The following GPATCH2 variants were observed in gnomAD, a reference collection of about 807,000 sequenced individuals.
GPATCH2 encodes G-patch domain containing 2, also known as G patch domain-containing protein 2.
A neutral mutation model predicts 58.0 loss-of-function variants in GPATCH2; 51 were observed. That is an observed-to-expected ratio of 0.88 (90% CI 0.70 to 1.11). The LOEUF (loss-of-function observed/expected upper bound fraction) is 1.11, where lower values mean the gene tolerates loss of function less well. Ranked by LOEUF, GPATCH2 falls within the 50% of genes most tolerant of loss-of-function variation. The pLI, the probability that GPATCH2 is intolerant of heterozygous loss-of-function variation, is 0.00. For missense variants in GPATCH2, 625 were observed against 652.2 expected (o/e 0.96, Z 0.45); for synonymous variants, 222 against 218.5 (o/e 1.02, Z -0.14).
In GPATCH2 at chr1:217,454,000, G is replaced by C. The variant is rs181053267; in HGVS notation, c.1278-4663C>G. ...CTGTCAGTTAGAAAAATATCAGCCTGGACAGGGCATCAGCTGCACAGAAAT... is the reference window on the plus strand; with the variant it reads ...CTGTCAGTTAGAAAAATATCAGCCTCGACAGGGCATCAGCTGCACAGAAAT... On this transcript the variant is annotated intron_variant, in intron 8 of 9. Coordinates refer to ENST00000366935, the MANE Select transcript of GPATCH2 (RefSeq NM_018040.5). Among the ~76,000 whole-genome samples, 12 of 152,256 alleles carry C rather than the reference G, an allele frequency of 7.9e-5. No homozygotes were observed. The East Asian group carries it at 2.3e-3, about 30-fold the overall frequency.
chr1:217,472,945 C>G (rs575596787), intron 8 of GPATCH2, among the ~76,000 whole-genome samples: 2 of 152,236 alleles, frequency 1.3e-5, no homozygotes, highest in East Asian at 3.9e-4. Flanking sequence ...TTTAGCACAG[C>G]AAGTTCTTTC....
chr1:217,463,314 T>C (rs1196736286), intron 8 of GPATCH2, among the ~76,000 whole-genome samples: 1 of 152,142 alleles, frequency 6.6e-6, no homozygotes, highest in African/African-American at 2.4e-5. Flanking sequence ...CTTTATATCT[T>C]TTTCATGCGT....
chr1:217,556,023 A>T lies in GPATCH2; in HGVS notation c.1099-41134T>A, dbSNP rs577328484. Among the ~76,000 whole-genome samples, 59 of 152,340 alleles carry T rather than the reference A, an allele frequency of 3.9e-4. 1 individual carries two copies. The highest frequency in any genetic ancestry group is 1.3e-3 in the African/African-American group (54 of 41,576). On this transcript the variant is annotated intron_variant, in intron 5 of 9. Transcript: ENST00000366935. ...CTGCTCTCTCTTTCTTAATACTGAA[A>T]AGAGGTTTGAGATATGTAATGAATG...
In GPATCH2 at chr1:217,429,353, T is replaced by A. The variant is rs1252278027; in HGVS notation, c.*1792A>T. On this transcript the variant is annotated 3_prime_UTR_variant, in exon 10 of 10. Transcript: ENST00000366935. Reference sequence around the variant, plus strand: ...GTCGTCCATAGTTCCCTAACCAACCTGTCCTCTAGGTACAATATCCCTGGG... The same window carrying A: ...GTCGTCCATAGTTCCCTAACCAACCAGTCCTCTAGGTACAATATCCCTGGG... 2 of 152,180 alleles carry A rather than the reference T, an allele frequency of 1.3e-5. No individual in the cohort carries two copies. Among genetic ancestry groups the A allele is most frequent in the Non-Finnish European group, 2.9e-5 (2 of 68,038 alleles). 9.4% of individuals were successfully genotyped at this position (152,180 alleles called of 1,614,324 possible).
At chr1:217,578,580 G>A (rs1192229109) in intron 5 of GPATCH2, among the ~76,000 whole-genome samples, 1 of 152,136 alleles carries the variant, frequency 6.6e-6, no homozygotes, top group African/African-American at 2.4e-5. Flanking sequence ...CTAAGTCCTG[G>A]CTGAGGTTTC....
chr1:217,614,508 C>T (rs1460053204), intron 2 of GPATCH2, among the ~76,000 whole-genome samples: 1 of 152,000 alleles, frequency 6.6e-6, no homozygotes, highest in Non-Finnish European at 1.5e-5. Context: ...ATGCTCACTG[C>T]TCCTTTCTTA....
intron 5 of GPATCH2, among the ~76,000 whole-genome samples, chr1:217,523,677 T>C (rs1663606329): frequency 6.6e-6 from 1 of 151,636 alleles, no homozygotes; most frequent in African/African-American, 2.4e-5. Flanking sequence ...CCATTCTCAA[T>C]GAGCTGTTGG....
intron 3 of GPATCH2, among the ~76,000 whole-genome samples, chr1:217,613,475 G>C (rs1305423468): frequency 6.6e-6 from 1 of 152,056 alleles, no homozygotes; most frequent in African/African-American, 2.4e-5. Context: ...TGTATGATTT[G>C]TATGGAGCGT....
At chr1:217,521,034 T>G (rs1279714521) in intron 5 of GPATCH2, among the ~76,000 whole-genome samples, 1 of 152,080 alleles carries the variant, frequency 6.6e-6, no homozygotes, top group Non-Finnish European at 1.5e-5. Context: ...TGTATAGAGC[T>G]GGGGTCCTGC....
chr1:217,613,817 G>C (rs113342570), intron 3 of GPATCH2, among the ~76,000 whole-genome samples: 1 of 152,104 alleles, frequency 6.6e-6, no homozygotes, highest in African/African-American at 2.4e-5. Context: ...TCTGGAATTA[G>C]AGAATGAGAA....
At chr1:217,603,014 T>A (rs1189438244) in intron 5 of GPATCH2, among the ~76,000 whole-genome samples, 2 of 152,248 alleles carry the variant, frequency 1.3e-5, no homozygotes, top group Admixed American at 6.5e-5. Context: ...ATAAACTGTT[T>A]AAGTTGTAAA....
intron 8 of GPATCH2, among the ~76,000 whole-genome samples, chr1:217,464,076 A>G (rs959710685): frequency 6.6e-6 from 1 of 152,182 alleles, no homozygotes; most frequent in Non-Finnish European, 1.5e-5. Context: ...TAGCACTCTA[A>G]TAATTTATTT....
At chr1:217,615,317 C>T (rs1284668509) in intron 2 of GPATCH2, among the ~76,000 whole-genome samples, 1 of 152,002 alleles carries the variant, frequency 6.6e-6, no homozygotes, top group Admixed American at 6.6e-5. Flanking sequence ...GCACATTCTT[C>T]CAAGGAGTTC....
chr1:217,481,345 C>A (rs1319299047), intron 8 of GPATCH2, among the ~76,000 whole-genome samples: 1 of 152,010 alleles, frequency 6.6e-6, no homozygotes, highest in African/African-American at 2.4e-5. Context: ...CAATATTAAA[C>A]TGAAAACTTT....
At chr1:217,446,555 T>C (rs1159788980) in intron 9 of GPATCH2, among the ~76,000 whole-genome samples, 3 of 152,114 alleles carry the variant, frequency 2.0e-5, no homozygotes, top group Non-Finnish European at 4.4e-5. Flanking sequence ...CTCTTCCTCT[T>C]AGAGACAAAC....
At chr1:217,547,954 C>G (rs1180771487) in intron 5 of GPATCH2, among the ~76,000 whole-genome samples, 2 of 152,116 alleles carry the variant, frequency 1.3e-5, no homozygotes, top group African/African-American at 2.4e-5. Flanking sequence ...GTTCTCCTGT[C>G]TCTCTCCTGC....
intron 7 of GPATCH2, among the ~76,000 whole-genome samples, chr1:217,497,225 G>C (rs1662056333): frequency 6.6e-6 from 1 of 151,952 alleles, no homozygotes. Context: ...GTACATAGAG[G>C]GATAAGAACC....
intron 5 of GPATCH2, among the ~76,000 whole-genome samples, chr1:217,571,719 A>C (rs1340284115): frequency 6.8e-6 from 1 of 147,452 alleles, no homozygotes; most frequent in Non-Finnish European, 1.5e-5. Flanking sequence ...AAAAAAAAAA[A>C]ACAAAAAAGA....
chr1:217,450,752 C>G (rs370243214), intron 8 of GPATCH2, among the ~76,000 whole-genome samples: 8 of 152,198 alleles, frequency 5.3e-5, no homozygotes, highest in African/African-American at 1.9e-4. Flanking sequence ...ACATGCATGA[C>G]TATAACATTT....
Sources: allele counts gnomAD v4.1 joint callset (sites outside exome capture counted in the v4.1 genomes callset), GRCh38; gene constraint gnomAD v4.1.1; transcripts MANE v1.5; gene names NCBI Gene and HGNC (gene_info 2026-07-23, HGNC 2026-07-21).